PREX2: variants seen among roughly 807,000 people sequenced by gnomAD.
PREX2 encodes phosphatidylinositol-3,4,5-trisphosphate dependent Rac exchange factor 2, also known as phosphatidylinositol 3,4,5-trisphosphate-dependent Rac exchanger 2 protein.
Under a neutral mutation model 203.2 loss-of-function variants are expected in PREX2, and 107 were observed. That is an observed-to-expected ratio of 0.53 (90% CI 0.45 to 0.62). PREX2 has a LOEUF of 0.62. PREX2 is among the 20% of genes least tolerant of loss of function. PREX2 has a pLI of 0.00. For synonymous variants in PREX2, 672 were observed against 663.6 expected (o/e 1.01, Z -0.19); for missense variants, 1,777 against 1,955.9 (o/e 0.91, Z 1.72).
chr8:68,216,859 G>T (rs541237700), intron 37 of PREX2, among the ~76,000 whole-genome samples: 1 of 151,906 alleles, frequency 6.6e-6, no homozygotes, highest in South Asian at 2.1e-4. Context: ...CTACTTGGGA[G>T]ACTGAGGCAG....
intron 39 of PREX2, among the ~76,000 whole-genome samples, chr8:68,229,861 C>A (rs1296812095): frequency 6.6e-6 from 1 of 152,212 alleles, no homozygotes; most frequent in African/African-American, 2.4e-5. Flanking sequence ...CCTCCTTATT[C>A]TTTCATTATC....
intron 1 of PREX2, among the ~76,000 whole-genome samples, chr8:67,987,203 G>A (rs1307598009): frequency 1.4e-5 from 2 of 144,264 alleles, no homozygotes; most frequent in Admixed American, 6.9e-5. Context: ...AATTTCTGAT[G>A]TATTTCTTTG....
intron 34 of PREX2, among the ~76,000 whole-genome samples, chr8:68,155,081 G>A (rs113130556): frequency 6.6e-6 from 1 of 152,102 alleles, no homozygotes; most frequent in Non-Finnish European, 1.5e-5. Context: ...AGATTTCCAG[G>A]GAGGGTAGGG....
intron 23 of PREX2, among the ~76,000 whole-genome samples, chr8:68,104,617 A>G (rs1385863191): frequency 6.6e-6 from 1 of 152,030 alleles, no homozygotes; most frequent in Non-Finnish European, 1.5e-5. Context: ...ACCCTCTTAC[A>G]CTGCTCAATT....
At position 68,077,444 on chromosome 8, in the gene PREX2, CTG is replaced by C; in HGVS notation, c.1620_1621del (p.Cys540Ter). On this transcript the variant is annotated frameshift_variant, in exon 15 of 40. Transcript: ENST00000288368. LOFTEE classifies it high-confidence loss of function. The stretch of plus-strand genomic sequence containing the variant: ...AGGCAATGATATTTGGCGTTGGACT[CTG>C]TGACAATGGATTTATGCACCATGGT... ...EEAMIFGVGLCDNGFMHHVLE... is the reference protein window; with the variant it reads ...EEAMIFGVGLXDNGFMHHVLE... 1 of 1,613,476 alleles carries C rather than the reference CTG, an allele frequency of 6.2e-7. No homozygotes were observed. Among genetic ancestry groups the C allele is most frequent in the Non-Finnish European group, 8.5e-7 (1 of 1,179,422 alleles).
At chr8:67,954,790 A>G (rs964186356) in intron 1 of PREX2, among the ~76,000 whole-genome samples, 1 of 152,216 alleles carries the variant, frequency 6.6e-6, no homozygotes, top group Non-Finnish European at 1.5e-5. Context: ...GAAGAGGTAG[A>G]AAACATATTT....
chr8:68,080,393 G>C (rs1168777976), intron 15 of PREX2, 50 bp from the exon 16 acceptor site: 28 of 1,559,320 alleles, frequency 1.8e-5, no homozygotes, highest in Non-Finnish European at 2.5e-5. Context: ...TTGAAAATGA[G>C]TGCGATTTTT....
intron 2 of PREX2, among the ~76,000 whole-genome samples, chr8:68,018,225 T>C (rs1807462269): frequency 6.6e-6 from 1 of 151,988 alleles, no homozygotes; most frequent in Non-Finnish European, 1.5e-5. Context: ...CCCAGCACTT[T>C]GGGAGGCCGA....
chr8:68,188,389 T>C (rs1812231174), intron 35 of PREX2, among the ~76,000 whole-genome samples: 1 of 152,202 alleles, frequency 6.6e-6, no homozygotes, highest in South Asian at 2.1e-4. Flanking sequence ...TGAGGAAACC[T>C]AGCAGTAAGA....
intron 1 of PREX2, among the ~76,000 whole-genome samples, chr8:67,975,633 T>C (rs1806055195): frequency 6.6e-6 from 1 of 151,270 alleles, no homozygotes; most frequent in African/African-American, 2.4e-5. Flanking sequence ...TATTCTATGT[T>C]AGCATGTCTT....
chr8:68,224,113 G>T (rs571510355), intron 38 of PREX2, among the ~76,000 whole-genome samples: 1 of 152,142 alleles, frequency 6.6e-6, no homozygotes, highest in African/African-American at 2.4e-5. Flanking sequence ...CAACCTCCTA[G>T]CCTCAAACAA....
At chr8:68,005,574 T>C (rs551366805) in intron 1 of PREX2, among the ~76,000 whole-genome samples, 1 of 152,326 alleles carries the variant, frequency 6.6e-6, no homozygotes, top group Admixed American at 6.5e-5. Flanking sequence ...CTTTGGGTCG[T>C]ACATACCCCT....
intron 1 of PREX2, among the ~76,000 whole-genome samples, chr8:67,990,287 G>A (rs1359059681): frequency 6.6e-6 from 1 of 151,458 alleles, no homozygotes; most frequent in Non-Finnish European, 1.5e-5. Flanking sequence ...CCCCAGGCCT[G>A]GAGTGAATCT....
chr8:67,983,334 T>G lies in PREX2; in HGVS notation c.141+30799T>G, dbSNP rs1585676702. Among the ~76,000 whole-genome samples the G allele has an allele frequency of 6.8e-5, 5 of 73,272 alleles. No individual in the cohort carries two copies. The South Asian group carries it at 3.0e-3, about 44-fold the overall frequency. The allele number at this position is 73,272 out of a possible 152,430, so 48.1% of individuals were successfully genotyped here. A position where few individuals can be genotyped will look rare whatever the true frequency, so the allele number is the denominator to read the frequency against. ...CTGCAGATGCAGGTTGTTCCCTGCA[T>G]TGCCCAGCTGTGCTGGCTGAGTGAT... On this transcript the variant is annotated intron_variant, in intron 1 of 39. Transcript: ENST00000288368.
chr8:68,044,888 G>T (rs555854108), intron 8 of PREX2, among the ~76,000 whole-genome samples: 3 of 152,200 alleles, frequency 2.0e-5, no homozygotes, highest in East Asian at 3.9e-4. Context: ...GTGCAGAAAA[G>T]AGTTAATGAA....
At position 68,236,082 on chromosome 8, in the gene PREX2, A is replaced by G. The variant is rs984244902; in HGVS notation, c.*4704A>G. The G allele has an allele frequency of 7.2e-5, 11 of 152,158 alleles. No individual in the cohort carries two copies. Among genetic ancestry groups the G allele is most frequent in the African/African-American group, 2.4e-4 (10 of 41,448 alleles). 9.4% of individuals were successfully genotyped at this position (152,158 alleles called of 1,614,324 possible). A position where few individuals can be genotyped will look rare whatever the true frequency, so the allele number is the denominator to read the frequency against. ...TTTTGTTTTGTATGAATGTACGACA[A>G]ATCGAGTTGTTCAATGTATTGAATG... On this transcript the variant is annotated 3_prime_UTR_variant, in exon 40 of 40. Transcript: ENST00000288368.
At chr8:68,181,296 C>T (rs1278764308) in intron 35 of PREX2, among the ~76,000 whole-genome samples, 1 of 152,158 alleles carries the variant, frequency 6.6e-6, no homozygotes, top group Non-Finnish European at 1.5e-5. Context: ...ACGGTATTCA[C>T]AATGTCTCTA....
chr8:68,189,412 C>G (rs904742547), intron 35 of PREX2, among the ~76,000 whole-genome samples: 1 of 152,140 alleles, frequency 6.6e-6, no homozygotes, highest in African/African-American at 2.4e-5. Flanking sequence ...CAGCTCCTGC[C>G]CCATTGCATG....
intron 10 of PREX2, 30 bp downstream of exon 10, chr8:68,056,004 T>C (rs1009024504): frequency 6.3e-7 from 1 of 1,576,780 alleles, no homozygotes. Flanking sequence ...TGCATGACTT[T>C]CTTTTACATT....
Sources: gnomAD v4.1 joint callset for allele counts (sites outside exome capture counted in the v4.1 genomes callset) on GRCh38, gnomAD v4.1.1 for gene constraint, MANE v1.5 for transcripts, NCBI Gene and HGNC (gene_info 2026-07-23, HGNC 2026-07-21) for gene names.